Variants in DOCK3 observed in about 807,000 individuals in gnomAD.
DOCK3 encodes the protein dedicator of cytokinesis 3.
DOCK3 carries 60 observed loss-of-function variants against 265.6 expected under a neutral mutation model. That is an observed-to-expected ratio of 0.23 (90% confidence interval 0.18 to 0.28). The LOEUF (loss-of-function observed/expected upper bound fraction) is 0.28. DOCK3 is among the 10% of genes least tolerant of loss of function. The probability of loss-of-function intolerance (pLI) is 1.00; values close to 1 mark genes in which losing one functional copy is unlikely to be tolerated. For missense variants in DOCK3, 1,981 were observed against 2,594.3 expected (o/e 0.76, Z 5.14); for synonymous variants, 881 against 938.0 (o/e 0.94, Z 1.11).
rs771786977 is a variant in DOCK3, at chr3:51,043,494, C to A, written c.316-20954C>A. 9.3e-4 allele frequency among the ~76,000 whole-genome samples: 141 copies of A among 152,224 alleles called. 1 individual carries two copies. Among genetic ancestry groups the A allele is most frequent in the South Asian group, 1.7e-3 (8 of 4,820 alleles). On this transcript the variant is annotated intron_variant, in intron 5 of 52. Coordinates refer to ENST00000266037, the MANE Select transcript of DOCK3 (RefSeq NM_004947.5). ...AAACTACAAAAACCCTAGGAGACAACCTAGGCAATACCATTCAGAATATAG... is the reference window on the plus strand; with the variant it reads ...AAACTACAAAAACCCTAGGAGACAAACTAGGCAATACCATTCAGAATATAG...
chr3:50,754,011 C>T (rs2039999376), intron 1 of DOCK3, among the ~76,000 whole-genome samples: 1 of 151,886 alleles, frequency 6.6e-6, no homozygotes, highest in Non-Finnish European at 1.5e-5. Context: ...CAAAAATTAG[C>T]TGGGCGTGGT....
intron 6 of DOCK3, among the ~76,000 whole-genome samples, chr3:51,065,960 T>G (rs750678549): frequency 6.6e-6 from 1 of 152,166 alleles, no homozygotes; most frequent in Non-Finnish European, 1.5e-5. Flanking sequence ...GATAAAGTAC[T>G]TTAAAACAAA....
intron 5 of DOCK3, among the ~76,000 whole-genome samples, chr3:51,025,267 G>T (rs1183911744): frequency 2.6e-5 from 4 of 152,166 alleles, no homozygotes; most frequent in Admixed American, 2.6e-4. Context: ...GAGAGACCAA[G>T]GTGGTTCTCA....
chr3:51,014,304 G>A (rs897328986), intron 5 of DOCK3, among the ~76,000 whole-genome samples: 3 of 151,900 alleles, frequency 2.0e-5, no homozygotes, highest in African/African-American at 7.3e-5. Context: ...TTGGAATGGA[G>A]CACCTTCATC....
At chr3:51,202,172 C>A (rs2088828696) in intron 12 of DOCK3, among the ~76,000 whole-genome samples, 1 of 110,098 alleles carries the variant, frequency 9.1e-6, no homozygotes, top group Non-Finnish European at 1.9e-5. Flanking sequence ...TAACTAAGAG[C>A]AGAACTGAAG....
chr3:51,191,561 G>A (rs2087950431), intron 12 of DOCK3, among the ~76,000 whole-genome samples: 1 of 151,922 alleles, frequency 6.6e-6, no homozygotes, highest in South Asian at 2.1e-4. Context: ...ATATCCTAGA[G>A]GCAGTGTCTC....
At chr3:50,768,261 A>G (rs2041037332) in intron 1 of DOCK3, among the ~76,000 whole-genome samples, 1 of 152,132 alleles carries the variant, frequency 6.6e-6, no homozygotes, top group Non-Finnish European at 1.5e-5. Flanking sequence ...GGTTTGTCAT[A>G]AATAGCTCTT....
At position 51,374,330 on chromosome 3, in the gene DOCK3, C is replaced by T; in HGVS notation, c.5294-139C>T. 2 of 738,848 alleles carry T rather than the reference C, an allele frequency of 2.7e-6. No homozygotes were observed. Among genetic ancestry groups the T allele is most frequent in the Non-Finnish European group, 4.6e-6 (2 of 434,006 alleles). 45.8% of individuals were successfully genotyped at this position (738,848 alleles called of 1,614,324 possible). ...CTAACAACCAGACTCTGCTTCATTC[C>T]TCCTGTGCTTGCTGAGTTCATCCTC... is the stretch of plus-strand genomic sequence containing the variant. On this transcript the variant is annotated intron_variant, in intron 49 of 52. Coordinates refer to ENST00000266037, the MANE Select transcript of DOCK3 (RefSeq NM_004947.5). The surrounding 1 kb of genome is among the most constrained non-coding windows in gnomAD (Gnocchi z 4.8).
intron 5 of DOCK3, among the ~76,000 whole-genome samples, chr3:51,058,371 T>C (rs2081277514): frequency 6.6e-6 from 1 of 152,166 alleles, no homozygotes; most frequent in East Asian, 1.9e-4. Flanking sequence ...TGGGAGATAT[T>C]GTAGTTATCT....
In DOCK3 at chr3:50,970,929, ATATATATATATATATATAATGTG is replaced by A. The variant is rs1559878589; in HGVS notation, c.315+36854_315+36876del. 7.0e-4 allele frequency among the ~76,000 whole-genome samples: 50 copies of A among 71,396 alleles called. 2 individuals are homozygous for A. Among genetic ancestry groups the A allele is most frequent in the African/African-American group, 2.9e-3 (49 of 16,774 alleles). The allele number at this position is 71,396 out of a possible 152,430, so 46.8% of individuals were successfully genotyped here. ...TATATATATATATATATATATATAT[ATATATATATATATATATAATGTG>A]TGTGTGTGTGTGTGTATATATATAT... is the stretch of plus-strand genomic sequence containing the variant. On this transcript the variant is annotated intron_variant, in intron 5 of 52. Coordinates refer to ENST00000266037, the MANE Select transcript of DOCK3 (RefSeq NM_004947.5).
chr3:50,691,161 G>A (rs368746720), intron 1 of DOCK3, among the ~76,000 whole-genome samples: 24 of 151,726 alleles, frequency 1.6e-4, no homozygotes, highest in South Asian at 6.3e-4. Flanking sequence ...GCGGGCACCT[G>A]TAGTCCCAGC....
chr3:50,760,261 G>C (rs2040443461), intron 1 of DOCK3, among the ~76,000 whole-genome samples: 2 of 152,126 alleles, frequency 1.3e-5, no homozygotes, highest in Admixed American at 6.5e-5. Context: ...AAGACAGTCA[G>C]TTCTTTGTTG....
At chr3:50,879,204 G>A (rs2107641923) in intron 3 of DOCK3, among the ~76,000 whole-genome samples, 1 of 152,282 alleles carries the variant, frequency 6.6e-6, no homozygotes, top group East Asian at 1.9e-4. Context: ...TCGATGCTAG[G>A]AAGAAACTGC....
rs140748209 is a variant in DOCK3 at position 51,210,614 on chromosome 3, A to G, written c.1126+1752A>G. ...CTCAGTTGCCAAGCTTCTGAGCATG[A>G]GTTTTCTACTGCTGGACTCTGGGGT... On this transcript the variant is annotated intron_variant, in intron 13 of 52. Coordinates refer to ENST00000266037, the MANE Select transcript of DOCK3 (RefSeq NM_004947.5). Among the ~76,000 whole-genome samples, 187 of 152,302 alleles carry G rather than the reference A, an allele frequency of 1.2e-3. 1 individual carries two copies. The highest frequency in any genetic ancestry group is 2.1e-3 in the Non-Finnish European group (140 of 68,020).
At chr3:50,927,857 A>C (rs2050845788) in intron 4 of DOCK3, among the ~76,000 whole-genome samples, 1 of 152,128 alleles carries the variant, frequency 6.6e-6, no homozygotes, top group Admixed American at 6.5e-5. Context: ...CAGAGAAGGA[A>C]AAAAATAATC....
chr3:51,305,855 T>TTC (rs1407566035), intron 27 of DOCK3, among the ~76,000 whole-genome samples: 6 of 139,182 alleles, frequency 4.3e-5, no homozygotes, highest in Admixed American at 1.4e-4. Flanking sequence ...TTTTTTTTTT[T>TTC]TGAGACAGGG....
intron 27 of DOCK3, among the ~76,000 whole-genome samples, chr3:51,293,334 T>G (rs2081894343): frequency 6.6e-6 from 1 of 152,122 alleles, no homozygotes; most frequent in Non-Finnish European, 1.5e-5. Flanking sequence ...ACATCTACCA[T>G]TAATTGATTT....
intron 2 of DOCK3, among the ~76,000 whole-genome samples, chr3:50,839,728 CCTCCCCTCCCCTCCCCTCCT>C (rs1221633489): frequency 6.6e-5 from 3 of 45,436 alleles, no homozygotes; most frequent in African/African-American, 8.8e-5. Flanking sequence ...TCTCCCCTCC[CCTCCCCTCCCCTCCCCTCCT>C]CTCCCCTCCC....
At chr3:50,787,650 G>A (rs2042251826) in intron 2 of DOCK3, 2 of 1,302,706 alleles carry the variant, frequency 1.5e-6, no homozygotes, top group Non-Finnish European at 2.2e-6. Context: ...CACTCTTCCT[G>A]CAACCTCTTG....
Sources: gnomAD v4.1 joint callset for allele counts (sites outside exome capture counted in the v4.1 genomes callset) on GRCh38, gnomAD v4.1.1 for gene constraint, Gnocchi (gnomAD v3.1) non-coding constraint, MANE v1.5 for transcripts, NCBI Gene and HGNC (gene_info 2026-07-23, HGNC 2026-07-21) for gene names.